The following KCNC4 variants were observed in gnomAD, a reference collection of about 807,000 sequenced individuals.
KCNC4 encodes the protein voltage-gated potassium channel KCNC4.
KCNC4 carries 23 observed loss-of-function variants against 42.8 expected under a neutral mutation model. The observed-to-expected ratio is 0.54, with a 90% CI of 0.39 to 0.76. The LOEUF is 0.76. Among genes scored for constraint, KCNC4 ranks in the 30% least tolerant of loss-of-function variants. KCNC4 has a pLI of 0.00. For synonymous variants in KCNC4, 422 were observed against 393.5 expected (o/e 1.07, Z -0.86); for missense variants, 751 against 898.2 (o/e 0.84, Z 2.10).
chr1:110,238,349 C>G (rs1391991778), downstream of KCNC4: 1 of 152,240 alleles, frequency 6.6e-6, no homozygotes, highest in Non-Finnish European at 1.5e-5. Flanking sequence ...TGAGCAACCT[C>G]TGGTTGCTGG....
At chr1:110,275,954 CAAAA>C (rs61372696) in intron 1 of KCNC4, among the ~76,000 whole-genome samples, 2 of 106,226 alleles carry the variant, frequency 1.9e-5, no homozygotes, top group Non-Finnish European at 1.9e-5. Flanking sequence ...GACTCCGCCT[CAAAA>C]AAAAAAAAAA....
At position 110,256,886 on chromosome 1, in the gene KCNC4, G is replaced by C. The variant is rs367789734; in HGVS notation, n.31-25648G>C. The C allele has an allele frequency of 1.9e-5, 3 of 156,266 alleles. No homozygotes were observed. The East Asian group carries it at 5.8e-4, about 30-fold the overall frequency. 9.7% of individuals were successfully genotyped at this position (156,266 alleles called of 1,614,324 possible). A position where few individuals can be genotyped will look rare whatever the true frequency, so the allele number is the denominator to read the frequency against. ...CTCATTTTTTGAGTATAAAAGATCA[G>C]TGTTGGATACCAGGTCAAGAATCAG... On this transcript the variant is annotated intron_variant and non_coding_transcript_variant, in intron 1 of 2. Coordinates refer to the KCNC4 transcript ENST00000412512.
chr1:110,233,121 C>G lies in KCNC4; in HGVS notation c.*149C>G. The G allele has an allele frequency of 1.0e-6, 1 of 970,004 alleles. No homozygotes were observed. The highest frequency in any genetic ancestry group is 1.5e-6 in the Non-Finnish European group (1 of 650,488). The allele number at this position is 970,004 out of a possible 1,614,324, so 60.1% of individuals were successfully genotyped here. On this transcript the variant is annotated 3_prime_UTR_variant, in exon 4 of 4. Transcript: ENST00000438661. ...GGTGGAAAATCTCCCATGCGACCCT[C>G]GGGGCCCAGAGCCATCTGGGTCTGA... is the stretch of plus-strand genomic sequence containing the variant.
At position 110,260,963 on chromosome 1, in the gene KCNC4, C is replaced by A. The variant is rs971304954; in HGVS notation, n.31-21571C>A. 9.2e-5 allele frequency among the ~76,000 whole-genome samples: 14 copies of A among 152,242 alleles called. 1 individual carries two copies. The highest frequency in any genetic ancestry group is 6.8e-3 in the Middle Eastern group (2 of 294). On this transcript the variant is annotated intron_variant and non_coding_transcript_variant, in intron 1 of 2. Coordinates refer to the KCNC4 transcript ENST00000412512. ...AAATAAATAAAAAGCAAAAACAATT[C>A]TCTGAAACATGGTTGCCATTTATTA...
chr1:110,265,989 G>A (rs1288725857), intron 1 of KCNC4, among the ~76,000 whole-genome samples: 2 of 152,222 alleles, frequency 1.3e-5, no homozygotes, highest in East Asian at 1.9e-4. Context: ...AATACATGTA[G>A]CCTTGTTCCC....
chr1:110,214,230 A>G (rs925230059), intron 1 of KCNC4, among the ~76,000 whole-genome samples: 20 of 152,194 alleles, frequency 1.3e-4, no homozygotes, highest in African/African-American at 4.8e-4. Flanking sequence ...TCTTCCATTT[A>G]AACATTGAGA....
At chr1:110,252,348 TCCTTC>T (rs558498855), downstream of KCNC4, among the ~76,000 whole-genome samples, 296 of 152,326 alleles carry the variant, frequency 1.9e-3, 1 homozygote, top group Non-Finnish European at 3.6e-3. Flanking sequence ...CTCTCTGAAT[TCCTTC>T]CCTACCTTGG....
In KCNC4 at chr1:110,212,147, C is replaced by A; in HGVS notation, c.648C>A (p.Phe216Leu). ...RGWQPRMWAL[F>L]EDPYSSRAAR... ...GGCAGCCCCGCATGTGGGCGCTCTTCGAGGATCCCTACTCCTCCCGGGCCG... is the reference window on the plus strand; with the variant it reads ...GGCAGCCCCGCATGTGGGCGCTCTTAGAGGATCCCTACTCCTCCCGGGCCG... Residue 216 changes from phenylalanine (F) to leucine (L), a missense_variant, in exon 1 of 4, where the codon TTC becomes TTA. By Grantham distance (22) the Phe-to-Leu change is conservative. Transcript: ENST00000438661. 1 of 1,511,816 alleles carries A rather than the reference C, an allele frequency of 6.6e-7. No homozygotes were observed. The allele number at this position is 1,511,816 out of a possible 1,614,324, so 93.7% of individuals were successfully genotyped here. A position where few individuals can be genotyped will look rare whatever the true frequency, so the allele number is the denominator to read the frequency against.
intron 3 of KCNC4, among the ~76,000 whole-genome samples, chr1:110,227,701 C>G (rs754684625): frequency 6.6e-6 from 1 of 152,198 alleles, no homozygotes; most frequent in Non-Finnish European, 1.5e-5. Context: ...AACGAGTGGT[C>G]CCTGTGTAGG....
At chr1:110,227,605 A>G (rs1489042409) in intron 3 of KCNC4, among the ~76,000 whole-genome samples, 2 of 152,178 alleles carry the variant, frequency 1.3e-5, no homozygotes, top group Non-Finnish European at 2.9e-5. Context: ...CCCGCCGACC[A>G]TCCCAAACAG....
chr1:110,270,004 TA>T (rs1192893765), intron 1 of KCNC4, among the ~76,000 whole-genome samples: 2 of 152,196 alleles, frequency 1.3e-5, no homozygotes, highest in Non-Finnish European at 2.9e-5. Context: ...ACACAGAATA[TA>T]TCAGGGTAGG....
At chr1:110,217,659 G>A (rs191178154) in intron 1 of KCNC4, among the ~76,000 whole-genome samples, 6 of 152,308 alleles carry the variant, frequency 3.9e-5, no homozygotes, top group Admixed American at 6.5e-5. Flanking sequence ...CTGGCTCGTC[G>A]GAGGGTGAGC....
At chr1:110,220,023 C>T in intron 1 of KCNC4, 1 of 152,254 alleles carries the variant, frequency 6.6e-6, no homozygotes, top group South Asian at 2.1e-4. Flanking sequence ...GAGATTGAGG[C>T]CCCACCAAGG....
Position 110,211,845 on chromosome 1 carries a change from C to T in KCNC4, c.346C>T (p.His116Tyr), listed in dbSNP as rs1227849259. 2 of 1,611,714 alleles carry T rather than the reference C, an allele frequency of 1.2e-6. No homozygotes were observed. The highest frequency in any genetic ancestry group is 1.7e-6 in the Non-Finnish European group (2 of 1,179,842). Residue 116 changes from histidine (H) to tyrosine (Y), a missense_variant, in exon 1 of 4, where the codon CAC becomes TAC. His to Tyr is a moderately conservative substitution (Grantham distance 83). This residue lies in a region of KCNC4 where 183 missense variants were observed against 255.8 expected (regional missense o/e 0.72). Coordinates refer to ENST00000438661, the MANE Select transcript of KCNC4 (RefSeq NM_001039574.3). This position sits in a 1 kb window ranked among gnomAD's most constrained non-coding sequence, Gnocchi z 6.5. The part of the protein sequence containing the change: ...VLNYYRTGKL[H>Y]CPADVCGPLF... The stretch of plus-strand genomic sequence containing the variant: ...CAACTACTACCGCACCGGCAAGCTG[C>T]ACTGCCCCGCGGACGTGTGCGGGCC...
rs1000017547 is a variant in KCNC4, at chr1:110,223,664, G to A, written c.1379G>A (p.Gly460Asp). ...GTAGGGGCACTGTGTGCACTGGCTG[G>A]CGTGCTCACCATCGCCATGCCGGTG... is the stretch of plus-strand genomic sequence containing the variant. ...MLVGALCALA[G>D]VLTIAMPVPV... Residue 460 changes from glycine (G) to aspartate (D), a missense_variant, in exon 2 of 4, where the codon GGC (glycine) becomes GAC (aspartate). Physicochemically the swap from Gly to Asp is moderately conservative, Grantham distance 94. Transcript: ENST00000438661. The surrounding 1 kb of genome is among the most constrained non-coding windows in gnomAD (Gnocchi z 7.5). The A allele has an allele frequency of 6.2e-7, 1 of 1,614,040 alleles. No homozygotes were observed. The highest frequency in any genetic ancestry group is 8.5e-7 in the Non-Finnish European group (1 of 1,180,038).
In KCNC4 at chr1:110,259,221, A is replaced by G. The variant is rs568342414; in HGVS notation, n.31-23313A>G. On this transcript the variant is annotated intron_variant and non_coding_transcript_variant, in intron 1 of 2. Coordinates refer to the KCNC4 transcript ENST00000412512. ...ATTGTTCAGGAATGAATCGTAGGCC[A>G]GCTCAGCATGTGACTAGGGCACACG... Among the ~76,000 whole-genome samples the G allele has an allele frequency of 3.6e-4, 55 of 152,310 alleles. No homozygotes were observed. The South Asian group carries it at 9.7e-3, about 27-fold the overall frequency.
At chr1:110,270,770 G>A (rs1222785927) in intron 1 of KCNC4, among the ~76,000 whole-genome samples, 1 of 152,202 alleles carries the variant, frequency 6.6e-6, no homozygotes, top group East Asian at 1.9e-4. Context: ...CTGCATCAGA[G>A]GTGAGCAGCC....
intron 3 of KCNC4, among the ~76,000 whole-genome samples, chr1:110,231,628 A>G (rs1658699611): frequency 6.6e-6 from 1 of 152,080 alleles, no homozygotes; most frequent in Non-Finnish European, 1.5e-5. Flanking sequence ...CCTGTCCCCT[A>G]ATGAGTGGGG....
chr1:110,232,987 G>A lies in KCNC4; in HGVS notation c.*15G>A, dbSNP rs761457002. ...CCCTCTCTTAAAGCGGCACCAACGT[G>A]AGAGAGACAGGCAGACAGACAGAAA... On this transcript the variant is annotated 3_prime_UTR_variant, in exon 4 of 4. Transcript: ENST00000438661. The A allele has an allele frequency of 3.1e-6, 5 of 1,608,408 alleles. No homozygotes were observed. The highest frequency in any genetic ancestry group is 4.2e-6 in the Non-Finnish European group (5 of 1,177,740).
Sources: allele counts gnomAD v4.1 joint callset (sites outside exome capture counted in the v4.1 genomes callset), GRCh38; gene constraint gnomAD v4.1.1; regional missense constraint gnomAD v4.1.1; non-coding constraint Gnocchi (gnomAD v3.1); transcripts MANE v1.5; gene names NCBI Gene and HGNC (gene_info 2026-07-23, HGNC 2026-07-21).